COL11A2: variants seen among roughly 807,000 people sequenced by gnomAD.
The protein encoded by COL11A2 is collagen type XI alpha 2 chain, also known as collagen alpha-2(XI) chain.
A neutral mutation model predicts 273.4 loss-of-function variants in COL11A2; 116 were observed. The ratio of observed to expected loss-of-function variants is 0.42; its 90% confidence interval spans 0.36 to 0.49. The LOEUF (loss-of-function observed/expected upper bound fraction) is 0.49, where lower values mean the gene tolerates loss of function less well. Ranked by LOEUF, COL11A2 falls within the 20% of genes least tolerant of loss-of-function variation. The pLI is 0.00. For missense variants in COL11A2, 1,866 were observed against 2,309.0 expected, an observed-to-expected ratio of 0.81 and a Z score of 3.93; for synonymous variants, 782 against 864.2, an observed-to-expected ratio of 0.90 and a Z score of 1.67.
chr6:33,186,720 T>C lies in COL11A2; in HGVS notation c.705A>G (p.Arg235=). The stretch of plus-strand genomic sequence containing the variant: ...CTCTGTGAGGCTGTTGGTTTTGGGG[T>C]CTTTCCCTCTGGCCCCCCTCGCATT... The part of the protein sequence containing the change: ...ELECEGGQRE[R]PQNQQPHRAQ... The change falls in exon 5 of 66, where the codon AGA becomes AGG. Residue 235 remains arginine, a synonymous_variant. Transcript: ENST00000341947. 1 of 1,613,930 alleles carries C rather than the reference T, an allele frequency of 6.2e-7. No individual in the cohort carries two copies. The highest frequency in any genetic ancestry group is 1.3e-5 in the African/African-American group (1 of 74,924).
In COL11A2 at chr6:33,167,316, C is replaced by A. The variant is rs1583293172; in HGVS notation, c.4124G>T (p.Gly1375Val). ...TGTAGCTCCAGGTCGGCCTTGCTGA[C>A]CCTGAAGATTTGAGGGGGCCACAGG... ...DGLRGLPGSV[G>V]QQGRPGATGQ... Residue 1375 changes from glycine (G) to valine (V), a missense_variant and splice_region_variant, in exon 57 of 66, where the codon GGT becomes GTT. Physicochemically the swap from Gly to Val is moderately radical, Grantham distance 109. Transcript: ENST00000341947. This position sits in a 1 kb window ranked among gnomAD's most constrained non-coding sequence, Gnocchi z 6.1. 6.2e-7 allele frequency: 1 copy of A among 1,613,532 alleles called. No individual in the cohort carries two copies. The highest frequency in any genetic ancestry group is 2.2e-5 in the East Asian group (1 of 44,884).
chr6:33,167,606 G>A lies in COL11A2; in HGVS notation c.4015-73C>T. 6.5e-7 allele frequency: 1 copy of A among 1,536,718 alleles called. No individual in the cohort carries two copies. The highest frequency in any genetic ancestry group is 8.9e-7 in the Non-Finnish European group (1 of 1,119,738). ...GTGGGCAGGGGGCAGAGGGTCCAAG[G>A]TGGGAGGCAGGAGGCAGGGAGGAAG... On this transcript the variant is annotated intron_variant, in intron 55 of 65. Coordinates refer to ENST00000341947, the MANE Select transcript of COL11A2 (RefSeq NM_080680.3). This position sits in a 1 kb window ranked among gnomAD's most constrained non-coding sequence, Gnocchi z 6.1.
intron 8 of COL11A2, 39 bp from the exon 9 acceptor site, chr6:33,181,209 G>A: frequency 7.5e-6 from 12 of 1,605,072 alleles, no homozygotes; most frequent in Non-Finnish European, 1.0e-5. Flanking sequence ...TGGGGCCCGT[G>A]AGCAGCCAGG....
intron 4 of COL11A2, among the ~76,000 whole-genome samples, chr6:33,187,764 G>A (rs1484250072): frequency 6.6e-6 from 1 of 151,154 alleles, no homozygotes; most frequent in Non-Finnish European, 1.5e-5. Context: ...TATTGAAGGA[G>A]GGAGTGGTTG....
chr6:33,174,507 C>T lies in COL11A2; in HGVS notation c.2430+20G>A, dbSNP rs768786506. Reference sequence around the variant, plus strand: ...GGAGGAGGGAAGAGGAGGAGGGGCACGTATGGGGCATGGCATCACCTTGGG... The same window carrying T: ...GGAGGAGGGAAGAGGAGGAGGGGCATGTATGGGGCATGGCATCACCTTGGG... On this transcript the variant is annotated intron_variant, in intron 31 of 65. Transcript: ENST00000341947. 27 of 1,611,852 alleles carry T rather than the reference C, an allele frequency of 1.7e-5. No homozygotes were observed. The highest frequency in any genetic ancestry group is 2.7e-5 in the African/African-American group (2 of 74,856).
At position 33,171,515 on chromosome 6, in the gene COL11A2, A is replaced by G; in HGVS notation, c.3210T>C (p.Leu1070=). The stretch of plus-strand genomic sequence containing the variant: ...CACCTGGAGGCCCAGCAGGACCAGG[A>G]AGCCCCACAGGACCCTGCACTCCAT... The part of the protein sequence containing the change: ...GRDGVQGPVG[L]PGPAGPPGVA... Residue 1070 remains leucine (L), a synonymous_variant, in exon 43 of 66, where the codon CTT becomes CTC. Coordinates refer to ENST00000341947, the MANE Select transcript of COL11A2 (RefSeq NM_080680.3). 1 of 1,613,686 alleles carries G rather than the reference A, an allele frequency of 6.2e-7. No individual in the cohort carries two copies. The highest frequency in any genetic ancestry group is 8.5e-7 in the Non-Finnish European group (1 of 1,179,876).
In COL11A2 at chr6:33,177,425, G is replaced by A. The variant is rs1169710154; in HGVS notation, c.1958C>T (p.Thr653Ile). ...GGCACCGCTCACCTGGGTCCCAGGG[G>A]TGCCCTGTTGTCCAGGAGGTCCTGG... ...GEPGPPGQQG[T>I]PGTQGLPGPQ... Residue 653 changes from threonine to isoleucine, a missense_variant, in exon 23 of 66, where the codon ACC (threonine) becomes ATC (isoleucine). Thr to Ile is a moderately conservative substitution (Grantham distance 89, BLOSUM62 -1). Transcript: ENST00000341947. The surrounding 1 kb of genome is among the most constrained non-coding windows in gnomAD (Gnocchi z 5.9). 1.9e-6 allele frequency: 3 copies of A among 1,612,818 alleles called. No homozygotes were observed. The highest frequency in any genetic ancestry group is 1.7e-5 in the Admixed American group (1 of 60,010).
Position 33,173,838 on chromosome 6 carries a change from C to T in COL11A2, c.2583+35G>A. ...TGAGGGAGAGCTGGGGCTGAGTGGG[C>T]AGGGGGCAGTTGGAGCCTTGTAGAG... is the stretch of plus-strand genomic sequence containing the variant. On this transcript the variant is annotated intron_variant, in intron 34 of 65. Transcript: ENST00000341947. The surrounding 1 kb of genome is among the most constrained non-coding windows in gnomAD (Gnocchi z 6.3). The T allele has an allele frequency of 6.2e-7, 1 of 1,613,324 alleles. No individual in the cohort carries two copies. Among genetic ancestry groups the T allele is most frequent in the Non-Finnish European group, 8.5e-7 (1 of 1,179,350 alleles).
rs766732850 is a variant in COL11A2 at position 33,184,249 on chromosome 6, G to T, written c.1015C>A (p.Pro339Thr). Reference sequence around the variant, plus strand: ...GTGTAATCGTAGGGCCCTTCAGGGGGGTCTGTGCCACCCTCCCCATATTCC... The same window carrying T: ...GTGTAATCGTAGGGCCCTTCAGGGGTGTCTGTGCCACCCTCCCCATATTCC... ...AEEYGEGGTD[P>T]PEGPYDYTYG... The change falls in exon 8 of 66, where the codon CCC (proline) becomes ACC (threonine). Residue 339 changes from proline to threonine, a missense_variant. Transcript: ENST00000341947. The T allele has an allele frequency of 7.3e-7, 1 of 1,367,532 alleles. No homozygotes were observed. Among genetic ancestry groups the T allele is most frequent in the African/African-American group, 1.5e-5 (1 of 67,706 alleles). The allele number at this position is 1,367,532 out of a possible 1,614,324, so 84.7% of individuals were successfully genotyped here.
chr6:33,193,428 C>G (rs1439372020), upstream of COL11A2, among the ~76,000 whole-genome samples: 19 of 145,438 alleles, frequency 1.3e-4, no homozygotes, highest in Non-Finnish European at 2.0e-4. Context: ...CCTCTCCCCC[C>G]CTCCCCGACA....
chr6:33,192,368 G>A lies in COL11A2; in HGVS notation c.-128C>T, dbSNP rs1215128252. 3 of 920,802 alleles carry A rather than the reference G, an allele frequency of 3.3e-6. No homozygotes were observed. The highest frequency in any genetic ancestry group is 5.1e-6 in the Non-Finnish European group (3 of 588,122). The allele number at this position is 920,802 out of a possible 1,614,324, so 57.0% of individuals were successfully genotyped here. On this transcript the variant is annotated 5_prime_UTR_variant, in exon 1 of 66. Coordinates refer to ENST00000341947, the MANE Select transcript of COL11A2 (RefSeq NM_080680.3). The stretch of plus-strand genomic sequence containing the variant: ...CGCCGGGGTCCCAGGGAGGTCAGAG[G>A]CTGCGGGCAGCGACAGCTGTCAGCG...
chr6:33,164,420 G>A lies in COL11A2; in HGVS notation c.4917C>T (p.Phe1639=), dbSNP rs769665584. ...GGGCTGAGACGCTGAGCAGCCGCAG[G>A]AAGGTGAGCTGGACCACACCCACTG... ...GSPVGVVQLT[F]LRLLSVSAHQ... The change falls in exon 65 of 66, where the codon TTC becomes TTT. Residue 1639 remains phenylalanine, a synonymous_variant. Coordinates refer to ENST00000341947, the MANE Select transcript of COL11A2 (RefSeq NM_080680.3). The surrounding 1 kb of genome is among the most constrained non-coding windows in gnomAD (Gnocchi z 4.7). 6.3e-7 allele frequency: 1 copy of A among 1,596,296 alleles called. No individual in the cohort carries two copies. The highest frequency in any genetic ancestry group is 8.5e-7 in the Non-Finnish European group (1 of 1,171,800).
At chr6:33,184,931 G>A in intron 7 of COL11A2, 61 bp downstream of exon 7, 1 of 1,390,934 alleles carries the variant, frequency 7.2e-7, no homozygotes, top group South Asian at 1.2e-5. Context: ...CATGGGCTGA[G>A]GGGAGTGAGT....
intron 8 of COL11A2, 132 bp downstream of exon 8, chr6:33,184,013 T>C (rs1352391703): frequency 9.6e-5 from 72 of 752,682 alleles, no homozygotes; most frequent in South Asian, 7.9e-4. Context: ...ATACATCATA[T>C]GTGAACAGAA....
rs864309523 is a variant in COL11A2 at position 33,173,522 on chromosome 6, G to T, written c.2662C>A (p.Pro888Thr). 6.2e-7 allele frequency: 1 copy of T among 1,603,056 alleles called. No individual in the cohort carries two copies. Residue 888 changes from proline to threonine, a missense_variant, in exon 36 of 66, where the codon CCT becomes ACT. Pro to Thr is a conservative substitution (Grantham distance 38). Transcript: ENST00000341947. This position sits in a 1 kb window ranked among gnomAD's most constrained non-coding sequence, Gnocchi z 6.3. ...LPGPQGPNGF[P>T]GPKGPPGPPG... ...CTTACCGGGGGTCCTTTCGGTCCAG[G>T]AAACCCGTTGGGACCCTGAGGTCCA...
chr6:33,163,953 G>A lies in COL11A2; in HGVS notation c.5071-135C>T. 7.5e-7 allele frequency: 1 copy of A among 1,342,016 alleles called. No homozygotes were observed. The highest frequency in any genetic ancestry group is 1.1e-6 in the Non-Finnish European group (1 of 947,944). The allele number at this position is 1,342,016 out of a possible 1,614,324, so 83.1% of individuals were successfully genotyped here. On this transcript the variant is annotated intron_variant, in intron 65 of 65. Coordinates refer to ENST00000341947, the MANE Select transcript of COL11A2 (RefSeq NM_080680.3). The surrounding 1 kb of genome is among the most constrained non-coding windows in gnomAD (Gnocchi z 4.1). Reference sequence around the variant, plus strand: ...GACTCAGGATGTACAGACTGGCAGTGTCTATGTGCCCATGCGTGTGTGTTT... The same window carrying A: ...GACTCAGGATGTACAGACTGGCAGTATCTATGTGCCCATGCGTGTGTGTTT...
chr6:33,170,721 T>C lies in COL11A2; in HGVS notation c.3474+89A>G, dbSNP rs2855440. ...CTCAGACTCCGCAGGCCCTCCAGTC[T>C]GCATCGGCAGGCTGCTGGCAGAGTC... is the stretch of plus-strand genomic sequence containing the variant. On this transcript the variant is annotated intron_variant, in intron 46 of 65. Coordinates refer to ENST00000341947, the MANE Select transcript of COL11A2 (RefSeq NM_080680.3). This position sits in a 1 kb window ranked among gnomAD's most constrained non-coding sequence, Gnocchi z 4.3. 0.72 allele frequency: 1,142,620 copies of C among 1,580,392 alleles called. 417,089 individuals carry two copies. Among genetic ancestry groups the C allele is most frequent in the East Asian group, 0.97 (43,414 of 44,664 alleles).
rs1449352372 is a variant in COL11A2, at chr6:33,170,297, C to T, written c.3582+29G>A. On this transcript the variant is annotated intron_variant, in intron 48 of 65. Coordinates refer to ENST00000341947, the MANE Select transcript of COL11A2 (RefSeq NM_080680.3). This position sits in a 1 kb window ranked among gnomAD's most constrained non-coding sequence, Gnocchi z 4.3. Reference sequence around the variant, plus strand: ...GAGGCAGAAGACCAGACACATTGGTCTCAAGGGACAGGGGCTGAGATGACT... The same window carrying T: ...GAGGCAGAAGACCAGACACATTGGTTTCAAGGGACAGGGGCTGAGATGACT... 5 of 1,611,586 alleles carry T rather than the reference C, an allele frequency of 3.1e-6. No homozygotes were observed. The highest frequency in any genetic ancestry group is 4.2e-6 in the Non-Finnish European group (5 of 1,178,864).
At chr6:33,171,209 G>A (rs1308798657) in intron 44 of COL11A2, 42 bp from the exon 45 acceptor site, 7 of 1,613,398 alleles carry the variant, frequency 4.3e-6, no homozygotes, top group Admixed American at 1.7e-5. Context: ...AACAGGGAGA[G>A]AGATCAGGTG....
Sources: allele counts gnomAD v4.1 joint callset (sites outside exome capture counted in the v4.1 genomes callset), GRCh38; gene constraint gnomAD v4.1.1; non-coding constraint Gnocchi (gnomAD v3.1); transcripts MANE v1.5; gene names NCBI Gene and HGNC (gene_info 2026-07-23, HGNC 2026-07-21).